Variants in MSI2 observed in about 807,000 individuals in gnomAD.
The protein encoded by MSI2 is RNA-binding protein Musashi homolog 2.
Under a neutral mutation model 45.6 loss-of-function variants are expected in MSI2, and 17 were observed. The ratio of observed to expected loss-of-function variants is 0.37; its 90% CI spans 0.26 to 0.56. The LOEUF is 0.56. Ranked by LOEUF, MSI2 falls within the 20% of genes least tolerant of loss-of-function variation. The probability of loss-of-function intolerance (pLI) is 0.77; values close to 1 mark genes in which losing one functional copy is unlikely to be tolerated. For synonymous variants in MSI2, 156 were observed against 158.2 expected (o/e 0.99, Z 0.11); for missense variants, 293 against 444.2 (o/e 0.66, Z 3.06).
Position 57,627,324 on chromosome 17 carries a change from G to T in MSI2, c.727+21G>T. On this transcript the variant is annotated intron_variant, in intron 10 of 13. Coordinates refer to ENST00000284073, the MANE Select transcript of MSI2 (RefSeq NM_138962.4). This position sits in a 1 kb window ranked among gnomAD's most constrained non-coding sequence, Gnocchi z 4.6. Reference sequence around the variant, plus strand: ...CCCAGGTGAGTGGCTTGGTCTCCCAGGGCTTTGGAAGCACAAGAGGTGGGC... The same window carrying T: ...CCCAGGTGAGTGGCTTGGTCTCCCATGGCTTTGGAAGCACAAGAGGTGGGC... 5 of 1,613,032 alleles carry T rather than the reference G, an allele frequency of 3.1e-6. No homozygotes were observed. The highest frequency in any genetic ancestry group is 4.2e-6 in the Non-Finnish European group (5 of 1,178,966).
chr17:57,426,978 TA>T (rs1370451461), intron 6 of MSI2, among the ~76,000 whole-genome samples: 2 of 152,248 alleles, frequency 1.3e-5, no homozygotes, highest in African/African-American at 4.8e-5. Flanking sequence ...CCAGGGCTTC[TA>T]AATTTTAAAA....
intron 11 of MSI2, among the ~76,000 whole-genome samples, chr17:57,657,125 T>G (rs1911652008): frequency 6.6e-6 from 1 of 152,140 alleles, no homozygotes; most frequent in Non-Finnish European, 1.5e-5. Flanking sequence ...TAAAGTCCCC[T>G]GAGAGAATGC....
chr17:57,639,894 C>T (rs1289774137), intron 10 of MSI2, among the ~76,000 whole-genome samples: 1 of 152,214 alleles, frequency 6.6e-6, no homozygotes, highest in African/African-American at 2.4e-5. Flanking sequence ...CCATCCATCT[C>T]TCCATCCTTC....
At chr17:57,504,794 G>T (rs1368847734) in intron 6 of MSI2, among the ~76,000 whole-genome samples, 1 of 152,092 alleles carries the variant, frequency 6.6e-6, no homozygotes, top group Non-Finnish European at 1.5e-5. Context: ...TAGCCGGGCA[G>T]GTGGCAGGCG....
At chr17:57,443,789 G>T (rs1182411258) in intron 6 of MSI2, among the ~76,000 whole-genome samples, 2 of 152,182 alleles carry the variant, frequency 1.3e-5, no homozygotes, top group African/African-American at 4.8e-5. Flanking sequence ...AGAGACAAAA[G>T]GGGATCATCA....
At chr17:57,616,627 T>C (rs948266372) in intron 9 of MSI2, 5 of 149,758 alleles carry the variant, frequency 3.3e-5, no homozygotes, top group African/African-American at 7.6e-5. Context: ...TTACTCTTTA[T>C]TTGCCAAAAA....
At chr17:57,554,958 G>A (rs1339905151) in intron 7 of MSI2, among the ~76,000 whole-genome samples, 1 of 152,240 alleles carries the variant, frequency 6.6e-6, no homozygotes, top group African/African-American at 2.4e-5. Context: ...AGACTTCCAA[G>A]GGAGCCTGGG....
At chr17:57,435,954 G>C (rs1352628159) in intron 6 of MSI2, among the ~76,000 whole-genome samples, 2 of 152,236 alleles carry the variant, frequency 1.3e-5, no homozygotes, top group Non-Finnish European at 2.9e-5. Context: ...GAGAGGTTGT[G>C]GGGCCTTGAA....
rs1913575973 is a variant in MSI2 at position 57,681,212 on chromosome 17, G to A, written c.*1695G>A. 1 of 185,352 alleles carries A rather than the reference G, an allele frequency of 5.4e-6. No individual in the cohort carries two copies. The highest frequency in any genetic ancestry group is 1.1e-5 in the Non-Finnish European group (1 of 87,534). The allele number at this position is 185,352 out of a possible 1,614,324, so 11.5% of individuals were successfully genotyped here. A position where few individuals can be genotyped will look rare whatever the true frequency, so the allele number is the denominator to read the frequency against. On this transcript the variant is annotated 3_prime_UTR_variant, in exon 14 of 14. Transcript: ENST00000284073. ...AATATATGGTCCTCGGTTGGGGAAA[G>A]ATACTTATGATGAAGGATATTTTTT... is the stretch of plus-strand genomic sequence containing the variant.
chr17:57,419,441 C>T (rs1488708864), intron 6 of MSI2, among the ~76,000 whole-genome samples: 3 of 151,960 alleles, frequency 2.0e-5, no homozygotes, highest in Non-Finnish European at 2.9e-5. Context: ...CAGCTCACTG[C>T]AACCTCCGCC....
chr17:57,690,517 G>T, the MSI2 span, among the ~76,000 whole-genome samples: 2 of 152,180 alleles, frequency 1.3e-5, no homozygotes, highest in African/African-American at 4.8e-5. Flanking sequence ...TACTCTGGAG[G>T]CTGAGGTGGG....
At chr17:57,358,949 G>A (rs953424885) in intron 5 of MSI2, among the ~76,000 whole-genome samples, 3 of 152,086 alleles carry the variant, frequency 2.0e-5, no homozygotes, top group African/African-American at 4.8e-5. Flanking sequence ...TATACTTTGC[G>A]ATTGGTTTTA....
At chr17:57,664,675 G>A (rs34888090) in intron 11 of MSI2, among the ~76,000 whole-genome samples, 23,333 of 152,228 alleles carry the variant, frequency 0.15, 2,141 homozygotes, top group East Asian at 0.37. Context: ...TTCCAGAACT[G>A]TGTATCATTT....
chr17:57,639,159 C>T (rs777510874), intron 10 of MSI2, among the ~76,000 whole-genome samples: 23 of 152,150 alleles, frequency 1.5e-4, no homozygotes, highest in Non-Finnish European at 2.9e-4. Flanking sequence ...AATATCATCA[C>T]CTTGAGAGTG....
intron 7 of MSI2, among the ~76,000 whole-genome samples, chr17:57,563,614 A>C (rs541163868): frequency 6.6e-6 from 1 of 152,150 alleles, no homozygotes; most frequent in Admixed American, 6.5e-5. Context: ...AGTAATCTCC[A>C]GTCCTTCCTA....
At chr17:57,461,782 C>T (rs950221703) in intron 6 of MSI2, among the ~76,000 whole-genome samples, 1 of 152,206 alleles carries the variant, frequency 6.6e-6, no homozygotes, top group Non-Finnish European at 1.5e-5. Flanking sequence ...GATCTGCTAC[C>T]TCGGCCTCCC....
intron 10 of MSI2, among the ~76,000 whole-genome samples, chr17:57,646,786 T>C (rs895958602): frequency 6.6e-6 from 1 of 152,232 alleles, no homozygotes; most frequent in Non-Finnish European, 1.5e-5. Flanking sequence ...TGTTCATGCC[T>C]GGAATTCCAC....
At chr17:57,414,036 T>C (rs1296485819) in intron 6 of MSI2, among the ~76,000 whole-genome samples, 2 of 151,008 alleles carry the variant, frequency 1.3e-5, no homozygotes, top group East Asian at 3.9e-4. Context: ...TTAACAAGCA[T>C]GGGGTGTGGG....
At chr17:57,567,799 C>T (rs1567905306) in intron 7 of MSI2, among the ~76,000 whole-genome samples, 2 of 152,208 alleles carry the variant, frequency 1.3e-5, no homozygotes, top group East Asian at 1.9e-4. Context: ...TTCTTCATCT[C>T]CTTGGCCTAG....
Sources: gnomAD v4.1 joint callset for allele counts (sites outside exome capture counted in the v4.1 genomes callset) on GRCh38, gnomAD v4.1.1 for gene constraint, Gnocchi (gnomAD v3.1) non-coding constraint, MANE v1.5 for transcripts, NCBI Gene and HGNC (gene_info 2026-07-23, HGNC 2026-07-21) for gene names.